Variants in ASPH observed in about 807,000 individuals in gnomAD.
ASPH encodes aspartyl/asparaginyl beta-hydroxylase.
In ASPH, 100 loss-of-function variants were observed where a neutral mutation model predicts 118.4. The observed-to-expected ratio is 0.84, with a 90% CI of 0.72 to 1.00. ASPH has a LOEUF of 1.00. Ranked by LOEUF, ASPH falls within the 50% of genes least tolerant of loss-of-function variation. ASPH has a pLI of 0.00. For synonymous variants in ASPH, 315 were observed against 325.6 expected (o/e 0.97, Z 0.35); for missense variants, 920 against 919.5 (o/e 1.00, Z -0.01).
rs138305667 is a variant in ASPH at position 61,620,273 on chromosome 8, T to C, written c.935-1254A>G. Reference sequence around the variant, plus strand: ...AAGGTCTTACCTCCCTCTTTGTGCATAGGAGAAAATAGATGGCTGAGAAAT... The same window carrying C: ...AAGGTCTTACCTCCCTCTTTGTGCACAGGAGAAAATAGATGGCTGAGAAAT... On this transcript the variant is annotated intron_variant, in intron 13 of 24. Coordinates refer to ENST00000379454, the MANE Select transcript of ASPH (RefSeq NM_004318.4). Among the ~76,000 whole-genome samples, 228 of 152,282 alleles carry C rather than the reference T, an allele frequency of 1.5e-3. 1 individual carries two copies. Among genetic ancestry groups the C allele is most frequent in the African/African-American group, 5.0e-3 (207 of 41,558 alleles).
intron 21 of ASPH, among the ~76,000 whole-genome samples, chr8:61,547,138 ACTGT>A (rs1380797810): frequency 1.3e-5 from 2 of 152,200 alleles, no homozygotes; most frequent in Non-Finnish European, 2.9e-5. Flanking sequence ...TCATTTTATG[ACTGT>A]CTAAGAAGAG....
intron 16 of ASPH, among the ~76,000 whole-genome samples, chr8:61,570,126 C>T (rs1029022823): frequency 1.3e-5 from 2 of 152,248 alleles, no homozygotes; most frequent in East Asian, 3.9e-4. Context: ...ACCTACTGAA[C>T]ATCATAGCTT....
intron 1 of ASPH, among the ~76,000 whole-genome samples, chr8:61,692,814 C>T (rs1832941449): frequency 6.6e-6 from 1 of 152,070 alleles, no homozygotes; most frequent in South Asian, 2.1e-4. Flanking sequence ...CCCAGATGAT[C>T]TGATGTTGCT....
chr8:61,552,451 C>A (rs1826355677), intron 20 of ASPH, among the ~76,000 whole-genome samples: 1 of 152,204 alleles, frequency 6.6e-6, no homozygotes, highest in Admixed American at 6.5e-5. Flanking sequence ...CCTATCATTA[C>A]TATCACCACA....
rs781735387 is a variant in ASPH, at chr8:61,503,497, T to C, written c.2139A>G (p.Glu713=). 2 of 1,611,382 alleles carry C rather than the reference T, an allele frequency of 1.2e-6. No homozygotes were observed. Among genetic ancestry groups the C allele is most frequent in the Non-Finnish European group, 1.7e-6 (2 of 1,178,694 alleles). Residue 713 remains glutamate (E), a synonymous_variant, in exon 25 of 25, where the codon GAA becomes GAG. Transcript: ENST00000379454. ...AGTCATCAAAGATGAGCACCTTGCC[T>C]TCCTCCCAGGTCCTGCAGCAGAAAG... is the stretch of plus-strand genomic sequence containing the variant. ...RCANETKTWE[E]GKVLIFDDSF...
chr8:61,663,240 T>C lies in ASPH; in HGVS notation c.323-9580A>G, dbSNP rs919802007. On this transcript the variant is annotated intron_variant, in intron 3 of 24. Coordinates refer to ENST00000379454, the MANE Select transcript of ASPH (RefSeq NM_004318.4). ...CCAGAAGCCCTACATTTGATGAAGT[T>C]TGAGTGGGACCCACTCAACTCCCAT... The C allele has an allele frequency of 3.0e-6, 3 of 985,250 alleles. No homozygotes were observed. In the African/African-American group the frequency reaches 5.2e-5, roughly 17 times the overall value. 61.0% of individuals were successfully genotyped at this position (985,250 alleles called of 1,614,324 possible). A position where few individuals can be genotyped will look rare whatever the true frequency, so the allele number is the denominator to read the frequency against.
chr8:61,535,722 G>T (rs1819228322), intron 21 of ASPH, among the ~76,000 whole-genome samples: 1 of 152,186 alleles, frequency 6.6e-6, no homozygotes, highest in African/African-American at 2.4e-5. Flanking sequence ...ATTTTTAAGA[G>T]ATAAAATCAG....
intron 3 of ASPH, among the ~76,000 whole-genome samples, chr8:61,678,719 A>T (rs1826500095): frequency 6.6e-6 from 1 of 152,152 alleles, no homozygotes; most frequent in Non-Finnish European, 1.5e-5. Flanking sequence ...ACCTGCGATG[A>T]CAACAGCTCC....
At chr8:61,607,121 A>C (rs1270311924) in intron 14 of ASPH, 2 of 549,224 alleles carry the variant, frequency 3.6e-6, no homozygotes, top group Non-Finnish European at 6.4e-6. Flanking sequence ...CTTTGCTTTC[A>C]GAGCGCTCCA....
Position 61,588,673 on chromosome 8 carries a change from A to T in ASPH, c.977-4644T>A, listed in dbSNP as rs987707901. On this transcript the variant is annotated intron_variant, in intron 14 of 24. Transcript: ENST00000379454. ...AAACACTATTTATTCATGTCATTAC[A>T]TTGCTGAAAATACACCCATAGATCC... Among the ~76,000 whole-genome samples, 9 of 152,240 alleles carry T rather than the reference A, an allele frequency of 5.9e-5. No individual in the cohort carries two copies. In the South Asian group the frequency reaches 6.2e-4, roughly 11 times the overall value.
chr8:61,644,815 T>G (rs1807068904), intron 6 of ASPH, among the ~76,000 whole-genome samples, 183 bp from the exon 7 acceptor site: 1 of 152,200 alleles, frequency 6.6e-6, no homozygotes. Flanking sequence ...GTGGGATGTC[T>G]CACACATTCT....
intron 1 of ASPH, among the ~76,000 whole-genome samples, chr8:61,709,358 C>T (rs953158211): frequency 1.3e-5 from 2 of 152,190 alleles, no homozygotes; most frequent in Non-Finnish European, 2.9e-5. Context: ...AGTTAAAGCA[C>T]TGGCCTCCAG....
intron 3 of ASPH, among the ~76,000 whole-genome samples, chr8:61,670,500 T>A (rs914207084): frequency 6.6e-6 from 1 of 151,906 alleles, no homozygotes; most frequent in Non-Finnish European, 1.5e-5. Flanking sequence ...TGACCAAAAA[T>A]CTAGGGTGCT....
chr8:61,706,087 T>G (rs941403505), intron 1 of ASPH, among the ~76,000 whole-genome samples: 43 of 152,292 alleles, frequency 2.8e-4, no homozygotes, highest in Admixed American at 1.0e-3. Context: ...AAGATGTATA[T>G]GACTTTCAAA....
chr8:61,638,443 A>G (rs1858899377), intron 10 of ASPH, 80 bp from the exon 11 acceptor site: 3 of 1,222,284 alleles, frequency 2.5e-6, no homozygotes, highest in Non-Finnish European at 3.5e-6. Flanking sequence ...AAGGGCAGAG[A>G]CAATGCCTTA....
chr8:61,625,670 G>C (rs1223588548), intron 13 of ASPH: 1 of 983,998 alleles, frequency 1.0e-6, no homozygotes, highest in Non-Finnish European at 1.2e-6. Flanking sequence ...TCAGCTAAAA[G>C]CTACAAAAAT....
At position 61,714,490 on chromosome 8, in the gene ASPH, C is replaced by G. The variant is rs1448091006; in HGVS notation, c.-119G>C. 1 of 1,324,010 alleles carries G rather than the reference C, an allele frequency of 7.6e-7. No individual in the cohort carries two copies. The highest frequency in any genetic ancestry group is 9.7e-7 in the Non-Finnish European group (1 of 1,028,582). 82.0% of individuals were successfully genotyped at this position (1,324,010 alleles called of 1,614,324 possible). On this transcript the variant is annotated 5_prime_UTR_variant, in exon 1 of 25. Transcript: ENST00000379454. ...GCTGGAGCGGGTTCGGGCCGCTGCT[C>G]CTGCAGCAGACCCTGTGCCTCAGCA...
At chr8:61,636,015 GC>G (rs1857563653) in intron 12 of ASPH, among the ~76,000 whole-genome samples, 1 of 152,132 alleles carries the variant, frequency 6.6e-6, no homozygotes, top group South Asian at 2.1e-4. Flanking sequence ...GCCTTGCAAG[GC>G]CCTGACTGAT....
chr8:61,671,455 G>A (rs1822476263), intron 3 of ASPH, among the ~76,000 whole-genome samples: 1 of 152,122 alleles, frequency 6.6e-6, no homozygotes, highest in African/African-American at 2.4e-5. Flanking sequence ...AGCAAAAATG[G>A]AAACATCTTG....
Sources: allele counts gnomAD v4.1 joint callset (sites outside exome capture counted in the v4.1 genomes callset), GRCh38; gene constraint gnomAD v4.1.1; transcripts MANE v1.5; gene names NCBI Gene and HGNC (gene_info 2026-07-23, HGNC 2026-07-21).